Variants in DPP10 observed in about 807,000 individuals in gnomAD.
DPP10 encodes inactive dipeptidyl peptidase 10.
A neutral mutation model predicts 120.9 loss-of-function variants in DPP10; 33 were observed. That is an observed-to-expected ratio of 0.27 (90% CI 0.21 to 0.37). The LOEUF (loss-of-function observed/expected upper bound fraction) is 0.37, where lower values mean the gene tolerates loss of function less well. Among genes scored for constraint, DPP10 ranks in the 10% least tolerant of loss-of-function variants. The pLI, the probability that DPP10 is intolerant of heterozygous loss-of-function variation, is 1.00. For synonymous variants in DPP10, 337 were observed against 326.1 expected (o/e 1.03, Z -0.36); for missense variants, 816 against 942.8 (o/e 0.87, Z 1.76).
chr2:115,668,712 C>A lies in DPP10; in HGVS notation c.442-20975C>A, dbSNP rs146152630. 7.2e-5 allele frequency among the ~76,000 whole-genome samples: 11 copies of A among 152,230 alleles called. No individual in the cohort carries two copies. In the East Asian group the frequency reaches 2.1e-3, roughly 29 times the overall value. On this transcript the variant is annotated intron_variant, in intron 5 of 25. Transcript: ENST00000410059. ...CTCATCCACTCTCAAATTCAGATCT[C>A]CCATGTGCACTTCTGTCTCAGAGAA...
intron 1 of DPP10, among the ~76,000 whole-genome samples, chr2:115,239,458 C>A (rs1415027103): frequency 6.6e-6 from 1 of 152,148 alleles, no homozygotes; most frequent in Non-Finnish European, 1.5e-5. Flanking sequence ...AGGCAAGTTC[C>A]TCCACCAGCA....
intron 1 of DPP10, among the ~76,000 whole-genome samples, chr2:114,565,628 G>A (rs1432548299): frequency 6.6e-6 from 1 of 152,236 alleles, no homozygotes; most frequent in African/African-American, 2.4e-5. Context: ...GAGGCACACA[G>A]CGCAGCATAC....
chr2:115,270,542 G>T (rs190025150), intron 1 of DPP10, among the ~76,000 whole-genome samples: 1 of 152,270 alleles, frequency 6.6e-6, no homozygotes, highest in Non-Finnish European at 1.5e-5. Context: ...GTTGACATTA[G>T]GTTTTGTGGT....
intron 21 of DPP10, among the ~76,000 whole-genome samples, chr2:115,823,185 A>C (rs1687978809): frequency 6.6e-6 from 1 of 151,586 alleles, no homozygotes; most frequent in Non-Finnish European, 1.5e-5. Context: ...TCTTTCTTGG[A>C]ATTTTATCTA....
intron 12 of DPP10, among the ~76,000 whole-genome samples, chr2:115,763,322 T>G (rs1200286985): frequency 2.6e-5 from 4 of 152,152 alleles, no homozygotes; most frequent in African/African-American, 9.7e-5. Context: ...TTCACATTTA[T>G]CCAGACACTT....
chr2:115,574,794 T>C (rs1221347610), intron 5 of DPP10, among the ~76,000 whole-genome samples: 1 of 152,194 alleles, frequency 6.6e-6, no homozygotes. Flanking sequence ...TCCTTAGATG[T>C]ACGTGACCTC....
intron 12 of DPP10, among the ~76,000 whole-genome samples, chr2:115,763,769 A>G (rs1575710684): frequency 6.6e-6 from 1 of 152,158 alleles, no homozygotes; most frequent in Middle Eastern, 3.4e-3. Flanking sequence ...CACTTCCACA[A>G]CTCAAAGAAC....
chr2:115,458,638 A>G (rs1050565228), intron 3 of DPP10, among the ~76,000 whole-genome samples: 1 of 152,168 alleles, frequency 6.6e-6, no homozygotes, highest in East Asian at 1.9e-4. Context: ...TTGTGGATAT[A>G]TATACACACA....
intron 1 of DPP10, among the ~76,000 whole-genome samples, chr2:115,257,876 A>G (rs1450975298): frequency 6.6e-6 from 1 of 152,168 alleles, no homozygotes; most frequent in East Asian, 1.9e-4. Context: ...TGTCAACAGA[A>G]TTGAATTCAA....
chr2:114,694,131 GA>G (rs1699927703), intron 1 of DPP10, among the ~76,000 whole-genome samples: 1 of 151,858 alleles, frequency 6.6e-6, no homozygotes, highest in South Asian at 2.1e-4. Flanking sequence ...GTAACTTTGG[GA>G]AAATTACCTT....
chr2:115,734,070 AG>A (rs2092974529), intron 8 of DPP10, among the ~76,000 whole-genome samples: 1 of 152,204 alleles, frequency 6.6e-6, no homozygotes, highest in African/African-American at 2.4e-5. Context: ...TTCCCATTCC[AG>A]GTAGCTTTAT....
At chr2:115,466,618 T>G (rs796716700) in intron 3 of DPP10, among the ~76,000 whole-genome samples, 2 of 152,248 alleles carry the variant, frequency 1.3e-5, no homozygotes, top group African/African-American at 4.8e-5. Context: ...GTAATATACA[T>G]CTTATTACTT....
At chr2:115,613,191 G>T (rs1262618959) in intron 5 of DPP10, among the ~76,000 whole-genome samples, 1 of 152,114 alleles carries the variant, frequency 6.6e-6, no homozygotes, top group Non-Finnish European at 1.5e-5. Flanking sequence ...AGATAGAAAG[G>T]GAATCCCTTC....
chr2:115,154,573 T>C (rs2051771409), intron 1 of DPP10, among the ~76,000 whole-genome samples: 1 of 152,098 alleles, frequency 6.6e-6, no homozygotes, highest in South Asian at 2.1e-4. Flanking sequence ...AAATATATTT[T>C]CCCTGGATGA....
intron 3 of DPP10, among the ~76,000 whole-genome samples, chr2:115,486,187 G>T (rs1019405755): frequency 6.6e-6 from 1 of 151,816 alleles, no homozygotes; most frequent in Non-Finnish European, 1.5e-5. Context: ...ATCACCTTTT[G>T]TATGTCAATA....
At chr2:114,665,461 A>G (rs1298048834) in intron 1 of DPP10, among the ~76,000 whole-genome samples, 1 of 152,084 alleles carries the variant, frequency 6.6e-6, no homozygotes, top group Non-Finnish European at 1.5e-5. Context: ...AAAACACGAC[A>G]TGAAGCTGCT....
chr2:115,279,553 T>C (rs967030697), intron 1 of DPP10, among the ~76,000 whole-genome samples: 1 of 152,056 alleles, frequency 6.6e-6, no homozygotes. Flanking sequence ...CCGTGTTGAT[T>C]TGCGTTTGAT....
rs11123296 is a variant in DPP10 at position 115,321,743 on chromosome 2, A to C, written c.175+12390A>C. Reference sequence around the variant, plus strand: ...ACTCTTTTTTCTTTCTGCTTTCTGTACCAGTAATTTTAATTGATCTATTAT... The same window carrying C: ...ACTCTTTTTTCTTTCTGCTTTCTGTCCCAGTAATTTTAATTGATCTATTAT... On this transcript the variant is annotated intron_variant, in intron 2 of 25. Coordinates refer to ENST00000410059, the MANE Select transcript of DPP10 (RefSeq NM_020868.6). Among the ~76,000 whole-genome samples the C allele has an allele frequency of 4.4e-4, 67 of 151,322 alleles. No individual in the cohort carries two copies. In the East Asian group the frequency reaches 0.01, roughly 23 times the overall value.
At chr2:114,524,201 T>C (rs748660456) in intron 1 of DPP10, among the ~76,000 whole-genome samples, 5 of 152,212 alleles carry the variant, frequency 3.3e-5, no homozygotes, top group Non-Finnish European at 7.3e-5. Context: ...ATTTGTGCTT[T>C]AGCAATAACT....
Sources: gnomAD v4.1 joint callset for allele counts (sites outside exome capture counted in the v4.1 genomes callset) on GRCh38, gnomAD v4.1.1 for gene constraint, MANE v1.5 for transcripts, NCBI Gene and HGNC (gene_info 2026-07-23, HGNC 2026-07-21) for gene names.